Variants in ST3GAL3 observed in about 807,000 individuals in gnomAD.
ST3GAL3 encodes the protein ST3 beta-galactoside alpha-2,3-sialyltransferase 3, also known as CMP-N-acetylneuraminate-beta-1,4-galactoside alpha-2,3-sialyltransferase.
ST3GAL3 carries 21 observed loss-of-function variants against 50.1 expected under a neutral mutation model. The ratio of observed to expected loss-of-function variants is 0.42; its 90% confidence interval spans 0.30 to 0.60. The LOEUF (loss-of-function observed/expected upper bound fraction) is 0.60. ST3GAL3 is among the 20% of genes least tolerant of loss of function. ST3GAL3 has a pLI of 0.19. For missense variants in ST3GAL3, 353 were observed against 489.4 expected, an observed-to-expected ratio of 0.72 and a Z score of 2.63; for synonymous variants, 183 against 190.0, an observed-to-expected ratio of 0.96 and a Z score of 0.30.
chr1:43,911,763 C>T (rs1027807625), intron 9 of ST3GAL3: 1 of 151,160 alleles, frequency 6.6e-6, no homozygotes, highest in Non-Finnish European at 1.5e-5. Context: ...TCTTGGCTCA[C>T]TGCAGCCTCT....
intron 5 of ST3GAL3, among the ~76,000 whole-genome samples, chr1:43,893,567 C>T (rs1405069175): frequency 6.6e-6 from 1 of 152,154 alleles, no homozygotes; most frequent in Non-Finnish European, 1.5e-5. Flanking sequence ...TCCTCCTCCC[C>T]AAGCCTGTCC....
chr1:43,795,705 G>A (rs112421787), intron 3 of ST3GAL3, among the ~76,000 whole-genome samples: 1 of 152,098 alleles, frequency 6.6e-6, no homozygotes, highest in African/African-American at 2.4e-5. Context: ...TAAGAAAAAG[G>A]TTCCAGTTCC....
At chr1:43,817,583 C>CTTAT (rs1374270452) in intron 4 of ST3GAL3, among the ~76,000 whole-genome samples, 1 of 74,106 alleles carries the variant, frequency 1.3e-5, no homozygotes, top group African/African-American at 6.6e-5. Flanking sequence ...TCTCCTTCTC[C>CTTAT]TCCTTCTCCT....
intron 1 of ST3GAL3, among the ~76,000 whole-genome samples, chr1:43,732,316 A>G (rs932599265): frequency 2.0e-5 from 3 of 152,194 alleles, no homozygotes; most frequent in African/African-American, 7.2e-5. Flanking sequence ...TCTGAGGGCC[A>G]ATGTTGGGAG....
intron 5 of ST3GAL3, among the ~76,000 whole-genome samples, chr1:43,886,372 ACT>A (rs1016051345): frequency 1.4e-4 from 21 of 152,284 alleles, no homozygotes; most frequent in African/African-American, 4.8e-4. Flanking sequence ...ACAGAGCGAG[ACT>A]CTGTCTAAAA....
intron 2 of ST3GAL3, among the ~76,000 whole-genome samples, chr1:43,744,655 A>AATAAATAAATAAATAAATAAAT (rs1682688015): frequency 7.1e-6 from 1 of 140,944 alleles, no homozygotes; most frequent in Non-Finnish European, 1.5e-5. Flanking sequence ...TCCCTCTCAA[A>AATAAATAAATAAATAAATAAAT]AAATAAATAA....
chr1:43,894,739 C>T (rs985827817), intron 6 of ST3GAL3, among the ~76,000 whole-genome samples: 2 of 151,948 alleles, frequency 1.3e-5, no homozygotes, highest in East Asian at 3.9e-4. Flanking sequence ...TTAAGATCCT[C>T]CTACCTCAGC....
chr1:43,776,166 A>G (rs1697153430), intron 2 of ST3GAL3, among the ~76,000 whole-genome samples: 1 of 152,190 alleles, frequency 6.6e-6, no homozygotes, highest in African/African-American at 2.4e-5. Flanking sequence ...AAACATTTTC[A>G]TTACCCCAAA....
intron 5 of ST3GAL3, among the ~76,000 whole-genome samples, chr1:43,889,213 C>T (rs1318903127): frequency 1.3e-5 from 2 of 151,766 alleles, no homozygotes; most frequent in South Asian, 2.1e-4. Context: ...TACACACACA[C>T]ACACACACAC....
rs57654790 is a variant in ST3GAL3 at position 43,925,296 on chromosome 1, C to CAAAAA, written c.1038+4379_1038+4383dup. 1.0e-4 allele frequency among the ~76,000 whole-genome samples: 9 copies of CAAAAA among 90,226 alleles called. 2 individuals are homozygous for CAAAAA. Among genetic ancestry groups the CAAAAA allele is most frequent in the Admixed American group, 3.0e-4 (2 of 6,750 alleles). The allele number at this position is 90,226 out of a possible 152,430, so 59.2% of individuals were successfully genotyped here. ...TGGGTGACAGAACAAGACTGTGTCT[C>CAAAAA]AAAAAAAAAAAAAAAGAGTGTAGCT... On this transcript the variant is annotated intron_variant, in intron 11 of 11. Coordinates refer to ENST00000347631, the MANE Select transcript of ST3GAL3 (RefSeq NM_006279.5).
intron 9 of ST3GAL3, among the ~76,000 whole-genome samples, chr1:43,905,914 T>C (rs1339741548): frequency 9.2e-5 from 9 of 97,856 alleles, no homozygotes; most frequent in South Asian, 4.9e-4. Context: ...CTCCTGTTCC[T>C]CTTCCCACCA....
intron 3 of ST3GAL3, among the ~76,000 whole-genome samples, chr1:43,799,286 A>G (rs1390175571): frequency 6.6e-6 from 1 of 152,236 alleles, no homozygotes; most frequent in Non-Finnish European, 1.5e-5. Flanking sequence ...CTGGGAAAAA[A>G]TTAAGTTATT....
At chr1:43,730,599 C>G (rs1349893518) in intron 1 of ST3GAL3, among the ~76,000 whole-genome samples, 1 of 116,126 alleles carries the variant, frequency 8.6e-6, no homozygotes, top group Non-Finnish European at 1.7e-5. Context: ...TAGACAGAGT[C>G]TTGCTCTGTT....
At chr1:43,719,951 A>C (rs1386197772) in intron 1 of ST3GAL3, among the ~76,000 whole-genome samples, 2 of 150,916 alleles carry the variant, frequency 1.3e-5, no homozygotes, top group African/African-American at 4.9e-5. Context: ...AAAAAAAAAA[A>C]AAAAAAAAAA....
intron 2 of ST3GAL3, chr1:43,743,520 G>A (rs560721085): frequency 4.6e-6 from 2 of 431,116 alleles, no homozygotes; most frequent in South Asian, 1.7e-5. Context: ...GTTCTGTGGT[G>A]CAGTTTAAGA....
intron 5 of ST3GAL3, among the ~76,000 whole-genome samples, chr1:43,854,997 A>G (rs934355217): frequency 3.3e-5 from 5 of 151,984 alleles, no homozygotes; most frequent in Non-Finnish European, 7.4e-5. Flanking sequence ...CTATTTAATC[A>G]TATTCAGGTC....
At chr1:43,761,175 A>G (rs944974795) in intron 2 of ST3GAL3, among the ~76,000 whole-genome samples, 2 of 152,168 alleles carry the variant, frequency 1.3e-5, no homozygotes, top group Admixed American at 1.3e-4. Flanking sequence ...TCAGCAGTTC[A>G]TTTCCTGTTG....
At chr1:43,807,453 G>T (rs951702579) in intron 3 of ST3GAL3, among the ~76,000 whole-genome samples, 1 of 45,770 alleles carries the variant, frequency 2.2e-5, no homozygotes, top group Non-Finnish European at 5.3e-5. Flanking sequence ...AATAAATAAA[G>T]TAGGAATGAT....
At chr1:43,901,580 T>C (rs1381504203) in intron 9 of ST3GAL3, among the ~76,000 whole-genome samples, 1 of 152,214 alleles carries the variant, frequency 6.6e-6, no homozygotes, top group Non-Finnish European at 1.5e-5. Context: ...GAACTCACTA[T>C]ACTCAGGCTA....
Sources: gnomAD v4.1 joint callset for allele counts (sites outside exome capture counted in the v4.1 genomes callset) on GRCh38, gnomAD v4.1.1 for gene constraint, MANE v1.5 for transcripts, NCBI Gene and HGNC (gene_info 2026-07-23, HGNC 2026-07-21) for gene names.